The following CEP63 variants were observed in gnomAD, a reference collection of about 807,000 sequenced individuals.
CEP63 encodes centrosomal protein 63.
Under a neutral mutation model 89.1 loss-of-function variants are expected in CEP63, and 84 were observed. That is an observed-to-expected ratio of 0.94 (90% CI 0.79 to 1.13). The LOEUF (loss-of-function observed/expected upper bound fraction) is 1.13, where lower values mean the gene tolerates loss of function less well. CEP63 is among the 50% of genes most tolerant of loss of function. The pLI, the probability that CEP63 is intolerant of heterozygous loss-of-function variation, is 0.00. For synonymous variants in CEP63, 267 were observed against 272.5 expected, an observed-to-expected ratio of 0.98 and a Z score of 0.20; for missense variants, 838 against 813.3, an observed-to-expected ratio of 1.03 and a Z score of -0.37.
intron 12 of CEP63, among the ~76,000 whole-genome samples, chr3:134,555,658 T>C (rs1251494622): frequency 3.3e-5 from 5 of 152,176 alleles, no homozygotes; most frequent in Admixed American, 2.6e-4. Flanking sequence ...CCCATGCTCA[T>C]GGGTAGGAAG....
Position 134,563,204 on chromosome 3 carries a change from C to T in CEP63, c.*1669C>T, listed in dbSNP as rs1309369830. On this transcript the variant is annotated 3_prime_UTR_variant, in exon 15 of 15. Coordinates refer to ENST00000675561, the MANE Select transcript of CEP63 (RefSeq NM_001353108.3). ...CCGCATATCCAGTCATTTGGGAGGT[C>T]CTGTCATTTCTTCCCCCAGAATCTT... is the stretch of plus-strand genomic sequence containing the variant. 1 of 152,282 alleles carries T rather than the reference C, an allele frequency of 6.6e-6. No homozygotes were observed. Among genetic ancestry groups the T allele is most frequent in the Admixed American group, 6.5e-5 (1 of 15,278 alleles). 9.4% of individuals were successfully genotyped at this position (152,282 alleles called of 1,614,324 possible).
the CEP63 span, among the ~76,000 whole-genome samples, chr3:134,622,191 T>C: frequency 1.3e-5 from 2 of 152,166 alleles, no homozygotes; most frequent in Non-Finnish European, 2.9e-5. Context: ...TATCATATGA[T>C]CTAGCAATTT....
the CEP63 span, among the ~76,000 whole-genome samples, chr3:134,749,445 G>A: frequency 6.6e-6 from 1 of 152,076 alleles, no homozygotes. Flanking sequence ...TCAGCGGAGA[G>A]CCAAAAGAGC....
the CEP63 span, among the ~76,000 whole-genome samples, chr3:134,684,027 C>T: frequency 6.6e-6 from 1 of 152,128 alleles, no homozygotes; most frequent in East Asian, 1.9e-4. Context: ...TAGTAACAAT[C>T]CCAGGAGAAG....
At chr3:134,738,249 T>TAC in the CEP63 span, among the ~76,000 whole-genome samples, 7,901 of 145,550 alleles carry the variant, frequency 0.054, 335 homozygotes, top group African/African-American at 0.12. Flanking sequence ...TATTCCATCA[T>TAC]ACACACACAC....
chr3:134,607,592 C>T, the CEP63 span: 4 of 985,630 alleles, frequency 4.1e-6, no homozygotes, highest in Non-Finnish European at 4.8e-6. Flanking sequence ...GTGCCCAGCA[C>T]TGGATCAGGT....
chr3:134,642,704 G>T, the CEP63 span, among the ~76,000 whole-genome samples: 1 of 152,232 alleles, frequency 6.6e-6, no homozygotes, highest in African/African-American at 2.4e-5. Context: ...AACTGCTATT[G>T]GTCAGGACAA....
the CEP63 span, among the ~76,000 whole-genome samples, chr3:134,593,465 G>A: frequency 6.6e-6 from 1 of 152,148 alleles, no homozygotes; most frequent in Non-Finnish European, 1.5e-5. Flanking sequence ...TCAGCTGGGA[G>A]CTGGCAGAAC....
At chr3:134,716,830 TA>T in the CEP63 span, among the ~76,000 whole-genome samples, 1 of 152,204 alleles carries the variant, frequency 6.6e-6, no homozygotes, top group Non-Finnish European at 1.5e-5. Flanking sequence ...GTTGGTTAGT[TA>T]CTTACAGGGA....
At chr3:134,639,605 T>C in the CEP63 span, among the ~76,000 whole-genome samples, 1 of 152,108 alleles carries the variant, frequency 6.6e-6, no homozygotes, top group African/African-American at 2.4e-5. Context: ...GGATAAGGGC[T>C]GATGACCTTG....
chr3:134,513,779 A>G (rs1945558188), intron 3 of CEP63, among the ~76,000 whole-genome samples: 1 of 152,136 alleles, frequency 6.6e-6, no homozygotes. Context: ...TCAGCTTCAA[A>G]CATCTAAATC....
At chr3:134,679,059 C>T in the CEP63 span, among the ~76,000 whole-genome samples, 4 of 150,558 alleles carry the variant, frequency 2.7e-5, no homozygotes, top group Non-Finnish European at 4.4e-5. Flanking sequence ...TCACCATTGA[C>T]ATCCATGCTT....
intron 11 of CEP63, among the ~76,000 whole-genome samples, chr3:134,551,438 A>G (rs1954798532): frequency 6.6e-6 from 1 of 152,158 alleles, no homozygotes; most frequent in East Asian, 1.9e-4. Context: ...TGCCAAGCCA[A>G]GGAAAGAAGG....
chr3:134,726,474 AC>A, the CEP63 span, among the ~76,000 whole-genome samples: 1 of 146,678 alleles, frequency 6.8e-6, no homozygotes, highest in South Asian at 2.1e-4. Flanking sequence ...ACACACACAC[AC>A]ACACACACAC....
At chr3:134,761,448 C>T in the CEP63 span, among the ~76,000 whole-genome samples, 6 of 152,198 alleles carry the variant, frequency 3.9e-5, no homozygotes, top group South Asian at 2.1e-4. Flanking sequence ...GTGCAGCCCT[C>T]GGTCTGAGCA....
At chr3:134,777,244 A>C in the CEP63 span, among the ~76,000 whole-genome samples, 4 of 152,204 alleles carry the variant, frequency 2.6e-5, no homozygotes, top group East Asian at 7.7e-4. Flanking sequence ...TTGTGTGATC[A>C]CCTAACAGTG....
chr3:134,604,313 C>T, the CEP63 span: 128 of 1,613,968 alleles, frequency 7.9e-5, no homozygotes, highest in African/African-American at 4.4e-4. Context: ...TTGCCCTTGG[C>T]AAAGATCTGC....
At chr3:134,768,766 C>T in the CEP63 span, among the ~76,000 whole-genome samples, 3 of 152,182 alleles carry the variant, frequency 2.0e-5, no homozygotes, top group Admixed American at 6.5e-5. Context: ...ACACTGCTGT[C>T]GAGGGCCTTT....
downstream of CEP63, among the ~76,000 whole-genome samples, chr3:134,569,218 AT>A (rs1446648752): frequency 5.9e-5 from 9 of 152,180 alleles, no homozygotes; most frequent in African/African-American, 2.2e-4. Context: ...GTGTCCTCAC[AT>A]TTCAAAACCA....
Sources: gnomAD v4.1 joint callset for allele counts (sites outside exome capture counted in the v4.1 genomes callset) on GRCh38, gnomAD v4.1.1 for gene constraint, MANE v1.5 for transcripts, NCBI Gene and HGNC (gene_info 2026-07-23, HGNC 2026-07-21) for gene names.